The following XYLT1 variants were observed in gnomAD, a reference collection of about 807,000 sequenced individuals.
The protein encoded by XYLT1 is xylosyltransferase 1.
In XYLT1, 36 loss-of-function variants were observed where a neutral mutation model predicts 91.3. That is an observed-to-expected ratio of 0.39 (90% CI 0.30 to 0.52). The LOEUF (loss-of-function observed/expected upper bound fraction) is 0.52, where lower values mean the gene tolerates loss of function less well. Among genes scored for constraint, XYLT1 ranks in the 20% least tolerant of loss-of-function variants. XYLT1 has a pLI of 0.68. For missense variants in XYLT1, 1,242 were observed against 1,284.5 expected, an observed-to-expected ratio of 0.97 and a Z score of 0.51; for synonymous variants, 588 against 532.0, an observed-to-expected ratio of 1.11 and a Z score of -1.45.
At chr16:17,455,734 C>T (rs2036732145) in intron 1 of XYLT1, among the ~76,000 whole-genome samples, 3 of 152,290 alleles carry the variant, frequency 2.0e-5, no homozygotes, top group Middle Eastern at 6.8e-3. Flanking sequence ...AGGCTATTTT[C>T]TGCGGCGTCT....
At chr16:17,291,397 CACAGATGTCGAA>C (rs1567359125) in intron 2 of XYLT1, among the ~76,000 whole-genome samples, 1 of 152,192 alleles carries the variant, frequency 6.6e-6, no homozygotes, top group Middle Eastern at 3.2e-3. Flanking sequence ...TTTCCCATTA[CACAGATGTCGAA>C]ACTGAGGCCC....
At chr16:17,455,991 C>T (rs1423973162) in intron 1 of XYLT1, among the ~76,000 whole-genome samples, 1 of 152,158 alleles carries the variant, frequency 6.6e-6, no homozygotes, top group African/African-American at 2.4e-5. Flanking sequence ...TTGTAATTAT[C>T]GCTGTAATTA....
chr16:17,155,052 A>G (rs780973968), intron 6 of XYLT1, among the ~76,000 whole-genome samples: 2 of 152,172 alleles, frequency 1.3e-5, no homozygotes, highest in African/African-American at 2.4e-5. Context: ...TTTCAAAGGG[A>G]GAAAATGAAG....
At chr16:17,360,974 C>T (rs2035374189) in intron 1 of XYLT1, among the ~76,000 whole-genome samples, 1 of 152,140 alleles carries the variant, frequency 6.6e-6, no homozygotes, top group Admixed American at 6.5e-5. Flanking sequence ...TGCAATGGCT[C>T]AGTTGGGGAA....
chr16:17,138,299 G>GAGGTTTGTTGGGAAGGCATCACTT, intron 8 of XYLT1, 56 bp downstream of exon 8: 2 of 1,584,170 alleles, frequency 1.3e-6, no homozygotes, highest in African/African-American at 2.7e-5. Flanking sequence ...GATTTCTGCA[G>GAGGTTTGTTGGGAAGGCATCACTT]AGGTTTGTTG....
intron 6 of XYLT1, among the ~76,000 whole-genome samples, chr16:17,156,763 G>A (rs558515696): frequency 1.4e-4 from 21 of 152,280 alleles, no homozygotes; most frequent in African/African-American, 2.9e-4. Context: ...TGGCCTGAGC[G>A]TAGTAAACTA....
At chr16:17,318,117 C>T (rs1364767125) in intron 2 of XYLT1, among the ~76,000 whole-genome samples, 1 of 152,184 alleles carries the variant, frequency 6.6e-6, no homozygotes, top group Non-Finnish European at 1.5e-5. Flanking sequence ...GAAGCTGAGA[C>T]CTTGGATTTT....
intron 3 of XYLT1, among the ~76,000 whole-genome samples, chr16:17,202,983 C>G (rs1007511133): frequency 1.3e-5 from 2 of 152,096 alleles, no homozygotes; most frequent in African/African-American, 2.4e-5. Flanking sequence ...CGTAATGATC[C>G]TACAAAGTAA....
At chr16:17,301,715 C>G (rs188691113) in intron 2 of XYLT1, among the ~76,000 whole-genome samples, 1 of 152,276 alleles carries the variant, frequency 6.6e-6, no homozygotes, top group Non-Finnish European at 1.5e-5. Context: ...GACTCCACCG[C>G]AACAACAGGT....
At chr16:17,143,375 G>A (rs2031038642) in intron 6 of XYLT1, among the ~76,000 whole-genome samples, 1 of 152,132 alleles carries the variant, frequency 6.6e-6, no homozygotes, top group Admixed American at 6.5e-5. Flanking sequence ...GGAGAAGTAA[G>A]GACGAGCTCT....
At chr16:17,356,319 G>A (rs1346883358) in intron 2 of XYLT1, among the ~76,000 whole-genome samples, 1 of 152,164 alleles carries the variant, frequency 6.6e-6, no homozygotes, top group African/African-American at 2.4e-5. Context: ...AAGGTGATAA[G>A]GACAGACAAA....
At chr16:17,400,985 TACACAC>T (rs71373111) in intron 1 of XYLT1, among the ~76,000 whole-genome samples, 8 of 148,752 alleles carry the variant, frequency 5.4e-5, no homozygotes, top group East Asian at 2.0e-4. Context: ...CTCTCTTTCA[TACACAC>T]ACACACACAC....
intron 2 of XYLT1, among the ~76,000 whole-genome samples, chr16:17,289,759 A>C (rs545250579): frequency 6.6e-6 from 1 of 152,372 alleles, no homozygotes; most frequent in Non-Finnish European, 1.5e-5. Flanking sequence ...GCAAAAAACC[A>C]AAATGAAAAC....
intron 1 of XYLT1, among the ~76,000 whole-genome samples, chr16:17,360,023 G>A (rs1043770135): frequency 3.3e-5 from 5 of 152,160 alleles, no homozygotes; most frequent in Non-Finnish European, 5.9e-5. Context: ...TGCAACATCT[G>A]CTGTTCAGGT....
At chr16:17,275,996 A>G (rs2033967331) in intron 2 of XYLT1, among the ~76,000 whole-genome samples, 1 of 152,166 alleles carries the variant, frequency 6.6e-6, no homozygotes, top group Non-Finnish European at 1.5e-5. Flanking sequence ...ATATAGATGC[A>G]CATACACACA....
intron 5 of XYLT1, among the ~76,000 whole-genome samples, chr16:17,189,706 A>G (rs2032266543): frequency 6.6e-6 from 1 of 152,260 alleles, no homozygotes; most frequent in African/African-American, 2.4e-5. Context: ...TAAGTGAAAT[A>G]AGCAGGTCAC....
At chr16:17,451,446 A>G (rs762087763) in intron 1 of XYLT1, among the ~76,000 whole-genome samples, 5 of 152,014 alleles carry the variant, frequency 3.3e-5, no homozygotes, top group African/African-American at 7.2e-5. Context: ...TGTCCCCTCC[A>G]TCGGAACCTG....
intron 1 of XYLT1, among the ~76,000 whole-genome samples, chr16:17,425,361 G>A (rs1405286374): frequency 6.6e-6 from 1 of 152,084 alleles, no homozygotes; most frequent in Non-Finnish European, 1.5e-5. Flanking sequence ...TATTTTAAGA[G>A]CCAAGAAACC....
intron 1 of XYLT1, among the ~76,000 whole-genome samples, chr16:17,456,332 CTTTTTTTTTTT>C (rs869026409): frequency 0.015 from 1,662 of 114,180 alleles, 20 homozygotes; most frequent in Middle Eastern, 0.053. Flanking sequence ...CAGTACAAAC[CTTTTTTTTTTT>C]TTTTTTTTTT....
Sources: allele counts gnomAD v4.1 joint callset (sites outside exome capture counted in the v4.1 genomes callset), GRCh38; gene constraint gnomAD v4.1.1; transcripts MANE v1.5; gene names NCBI Gene and HGNC (gene_info 2026-07-23, HGNC 2026-07-21).